The following KCND2 variants were observed in gnomAD, a reference collection of about 807,000 sequenced individuals.
KCND2 encodes potassium voltage-gated channel subfamily D member 2.
In KCND2, 16 loss-of-function variants were observed where a neutral mutation model predicts 54.4. The ratio of observed to expected loss-of-function variants is 0.29; its 90% confidence interval spans 0.20 to 0.45. KCND2 has a LOEUF of 0.45. Ranked by LOEUF, KCND2 falls within the 20% of genes least tolerant of loss-of-function variation. KCND2 has a pLI of 1.00. For synonymous variants in KCND2, 317 were observed against 310.7 expected, an observed-to-expected ratio of 1.02 and a Z score of -0.21; for missense variants, 486 against 824.2, an observed-to-expected ratio of 0.59 and a Z score of 5.02.
intron 1 of KCND2, among the ~76,000 whole-genome samples, chr7:120,623,792 C>T (rs1223804699): frequency 6.6e-6 from 1 of 151,882 alleles, no homozygotes; most frequent in Non-Finnish European, 1.5e-5. Flanking sequence ...AGAATTTAAC[C>T]AGGTCCTGAA....
intron 1 of KCND2, among the ~76,000 whole-genome samples, chr7:120,536,694 A>G (rs1791911629): frequency 6.6e-6 from 1 of 152,190 alleles, no homozygotes; most frequent in South Asian, 2.1e-4. Context: ...AAAGGATGCC[A>G]TCCTTCGATC....
rs143376767 is a variant in KCND2, at chr7:120,518,054, T to G, written c.1116-214849T>G. On this transcript the variant is annotated intron_variant, in intron 1 of 5. Coordinates refer to ENST00000331113, the MANE Select transcript of KCND2 (RefSeq NM_012281.3). ...CCAAGATTATACAGTTATTCATACC[T>G]GAAGAAAGAGTTGTTAAATAGGGAT... Among the ~76,000 whole-genome samples, 14 of 152,252 alleles carry G rather than the reference T, an allele frequency of 9.2e-5. No homozygotes were observed. In the East Asian group the frequency reaches 1.5e-3, roughly 17 times the overall value.
intron 1 of KCND2, among the ~76,000 whole-genome samples, chr7:120,535,244 A>T (rs1305753159): frequency 6.6e-6 from 1 of 152,176 alleles, no homozygotes; most frequent in Non-Finnish European, 1.5e-5. Context: ...CTCATCTGAC[A>T]TACATAGCTT....
At chr7:120,551,992 G>A (rs1324733133) in intron 1 of KCND2, among the ~76,000 whole-genome samples, 2 of 152,092 alleles carry the variant, frequency 1.3e-5, no homozygotes, top group Non-Finnish European at 2.9e-5. Context: ...AGGCATCAAG[G>A]CATCCCAGTT....
intron 1 of KCND2, among the ~76,000 whole-genome samples, chr7:120,483,408 G>A (rs899257696): frequency 6.6e-5 from 10 of 152,176 alleles, no homozygotes; most frequent in Non-Finnish European, 1.5e-5. Flanking sequence ...AATTTAAAAG[G>A]TCAGAGCTAG....
chr7:120,674,708 CTAGT>C (rs1792036939), intron 1 of KCND2, among the ~76,000 whole-genome samples: 1 of 152,158 alleles, frequency 6.6e-6, no homozygotes, highest in Non-Finnish European at 1.5e-5. Flanking sequence ...ATTGGCATGT[CTAGT>C]TAGTTCTGCA....
intron 1 of KCND2, among the ~76,000 whole-genome samples, chr7:120,303,436 A>G (rs1167588959): frequency 6.6e-6 from 1 of 152,226 alleles, no homozygotes; most frequent in Non-Finnish European, 1.5e-5. Flanking sequence ...AGATAAAATC[A>G]TTAAATACCT....
chr7:120,591,154 T>C (rs1402078618), intron 1 of KCND2, among the ~76,000 whole-genome samples: 1 of 152,226 alleles, frequency 6.6e-6, no homozygotes, highest in Non-Finnish European at 1.5e-5. Flanking sequence ...AGTAAAGTAA[T>C]GCTTCAAATT....
At position 120,424,823 on chromosome 7, in the gene KCND2, G is replaced by A. The variant is rs148050433; in HGVS notation, c.1115+149076G>A. Among the ~76,000 whole-genome samples the A allele has an allele frequency of 1.3e-3, 194 of 152,284 alleles. 2 individuals are homozygous for A. Among genetic ancestry groups the A allele is most frequent in the African/African-American group, 4.4e-3 (184 of 41,562 alleles). On this transcript the variant is annotated intron_variant, in intron 1 of 5. Coordinates refer to ENST00000331113, the MANE Select transcript of KCND2 (RefSeq NM_012281.3). ...GACAATAAATGTGAAGTCAAGTTTAGTCTACCTCTTAATCTAAGGAAAATT... is the reference window on the plus strand; with the variant it reads ...GACAATAAATGTGAAGTCAAGTTTAATCTACCTCTTAATCTAAGGAAAATT...
intron 1 of KCND2, among the ~76,000 whole-genome samples, chr7:120,607,870 A>G (rs923656591): frequency 2.0e-5 from 3 of 152,098 alleles, no homozygotes; most frequent in Non-Finnish European, 2.9e-5. Context: ...CAACATGGAC[A>G]TTAAGAAAGC....
chr7:120,317,270 G>GA (rs909658011), intron 1 of KCND2, among the ~76,000 whole-genome samples: 2 of 151,764 alleles, frequency 1.3e-5, no homozygotes, highest in Non-Finnish European at 2.9e-5. Flanking sequence ...TAAATATTCT[G>GA]AAAAAAACAT....
Position 120,686,575 on chromosome 7 carries a change from A to G in KCND2, c.1116-46328A>G, listed in dbSNP as rs75519806. Among the ~76,000 whole-genome samples, 7 of 152,266 alleles carry G rather than the reference A, an allele frequency of 4.6e-5. No homozygotes were observed. The East Asian group carries it at 1.4e-3, about 29-fold the overall frequency. Reference sequence around the variant, plus strand: ...TAAAAAGTATTAGAGCAAGAACAAGAGGAAATAAAGTACACGTGGAAGAGA... The same window carrying G: ...TAAAAAGTATTAGAGCAAGAACAAGGGGAAATAAAGTACACGTGGAAGAGA... On this transcript the variant is annotated intron_variant, in intron 1 of 5. Transcript: ENST00000331113.
intron 1 of KCND2, among the ~76,000 whole-genome samples, chr7:120,363,788 C>T (rs1020590744): frequency 5.9e-5 from 9 of 152,078 alleles, no homozygotes. Context: ...CTTCTCCTAC[C>T]CTTACACTCT....
At chr7:120,508,360 C>T (rs897606733) in intron 1 of KCND2, among the ~76,000 whole-genome samples, 2 of 151,828 alleles carry the variant, frequency 1.3e-5, no homozygotes, top group Non-Finnish European at 2.9e-5. Context: ...GTATATAACA[C>T]TTTCTGAATC....
intron 1 of KCND2, among the ~76,000 whole-genome samples, chr7:120,286,353 T>C (rs1335742872): frequency 1.3e-5 from 2 of 151,960 alleles, no homozygotes; most frequent in Non-Finnish European, 2.9e-5. Context: ...TGTGGATATA[T>C]AGCTATATGA....
chr7:120,324,816 G>T (rs1009585430), intron 1 of KCND2, among the ~76,000 whole-genome samples: 8 of 151,184 alleles, frequency 5.3e-5, no homozygotes, highest in African/African-American at 1.9e-4. Context: ...CTTTAAAGTA[G>T]TTTTTTCCAA....
intron 1 of KCND2, among the ~76,000 whole-genome samples, chr7:120,487,633 C>T (rs1802713811): frequency 6.6e-6 from 1 of 152,106 alleles, no homozygotes; most frequent in African/African-American, 2.4e-5. Flanking sequence ...GGTGGGAGGT[C>T]CAAATGCAGT....
chr7:120,388,111 T>C (rs1456403377), intron 1 of KCND2, among the ~76,000 whole-genome samples: 5 of 152,024 alleles, frequency 3.3e-5, no homozygotes, highest in South Asian at 2.1e-4. Flanking sequence ...GAAAAATAAA[T>C]GGAAGTTTAG....
chr7:120,544,528 C>T (rs1451730610), intron 1 of KCND2, among the ~76,000 whole-genome samples: 1 of 151,848 alleles, frequency 6.6e-6, no homozygotes, highest in Non-Finnish European at 1.5e-5. Flanking sequence ...ACTATGCAAT[C>T]ACAGGATTCT....
Sources: gnomAD v4.1 joint callset for allele counts (sites outside exome capture counted in the v4.1 genomes callset) on GRCh38, gnomAD v4.1.1 for gene constraint, MANE v1.5 for transcripts, NCBI Gene and HGNC (gene_info 2026-07-23, HGNC 2026-07-21) for gene names.